The following DSTYK variants were observed in gnomAD, a reference collection of about 807,000 sequenced individuals.
The protein encoded by DSTYK is RIP-homologous kinase.
DSTYK carries 34 observed loss-of-function variants against 98.7 expected under a neutral mutation model. The observed-to-expected ratio is 0.34, with a 90% confidence interval of 0.26 to 0.46. The LOEUF is 0.46. DSTYK is among the 20% of genes least tolerant of loss of function. DSTYK has a pLI of 1.00. For missense variants in DSTYK, 962 were observed against 1,181.7 expected (o/e 0.81, Z 2.73); for synonymous variants, 462 against 457.3 (o/e 1.01, Z -0.13).
At chr1:205,154,732 T>G (rs1355403600) in intron 10 of DSTYK, among the ~76,000 whole-genome samples, 1 of 151,958 alleles carries the variant, frequency 6.6e-6, no homozygotes, top group Non-Finnish European at 1.5e-5. Context: ...GACAGGAAAA[T>G]GTGGGAAAGT....
chr1:205,203,445 G>A (rs1359815938), intron 1 of DSTYK, among the ~76,000 whole-genome samples: 2 of 142,390 alleles, frequency 1.4e-5, no homozygotes, highest in African/African-American at 2.6e-5. Context: ...TCCAGCCTGG[G>A]CAACAAGAGT....
intron 6 of DSTYK, 77 bp downstream of exon 6, chr1:205,161,959 C>T (rs998768172): frequency 2.6e-5 from 38 of 1,436,136 alleles, no homozygotes; most frequent in African/African-American, 2.4e-4. Context: ...ATATGAAGAG[C>T]GGAGAGCGAA....
intron 1 of DSTYK, among the ~76,000 whole-genome samples, chr1:205,206,272 G>GT (rs1161893442): frequency 1.1e-3 from 161 of 144,456 alleles, no homozygotes; most frequent in Admixed American, 4.6e-3. Flanking sequence ...GGTTTTTTTT[G>GT]GTTTTTTTTT....
At chr1:205,159,820 C>A in intron 8 of DSTYK, 141 bp from the exon 9 acceptor site, 1 of 1,052,436 alleles carries the variant, frequency 9.5e-7, no homozygotes, top group African/African-American at 1.6e-5. Context: ...ACAGAGCCCT[C>A]AGTACAGACA....
chr1:205,175,645 A>C (rs1658207150), intron 2 of DSTYK, among the ~76,000 whole-genome samples: 2 of 152,174 alleles, frequency 1.3e-5, no homozygotes, highest in Admixed American at 1.3e-4. Flanking sequence ...GGTTATAAAC[A>C]AAAAAGGACG....
At chr1:205,159,752 G>T in intron 8 of DSTYK, 73 bp from the exon 9 acceptor site, 1 of 1,586,636 alleles carries the variant, frequency 6.3e-7, no homozygotes, top group South Asian at 1.1e-5. Flanking sequence ...CAATGTATGA[G>T]ACAATAATTT....
intron 1 of DSTYK, among the ~76,000 whole-genome samples, chr1:205,203,341 T>C (rs575052459): frequency 6.9e-6 from 1 of 144,554 alleles, no homozygotes; most frequent in South Asian, 2.2e-4. Flanking sequence ...AATAGCCAGG[T>C]GTGGTTCGCG....
At chr1:205,153,906 GT>G (rs1003231278) in intron 10 of DSTYK, among the ~76,000 whole-genome samples, 2 of 150,588 alleles carry the variant, frequency 1.3e-5, no homozygotes, top group African/African-American at 4.9e-5. Flanking sequence ...TAGAGACAGG[GT>G]TTTACCATGT....
chr1:205,192,582 C>A (rs376261706), intron 1 of DSTYK, among the ~76,000 whole-genome samples: 1 of 152,040 alleles, frequency 6.6e-6, no homozygotes, highest in Non-Finnish European at 1.5e-5. Context: ...CCAAACCAGG[C>A]TGGGCGTAGT....
In DSTYK at chr1:205,160,115, T is replaced by A; in HGVS notation, c.2104A>T (p.Arg702Trp). The A allele has an allele frequency of 6.2e-7, 1 of 1,614,116 alleles. No individual in the cohort carries two copies. The change falls in exon 8 of 13, where the codon AGG becomes TGG. Residue 702 changes from arginine (R) to tryptophan (W), a missense_variant and splice_region_variant. Arg to Trp is a moderately radical substitution (Grantham distance 101). Around this residue, in one of 4 missense-constraint regions of DSTYK, gnomAD observed 660 missense variants for 855.0 expected, o/e 0.77. Coordinates refer to ENST00000367162, the MANE Select transcript of DSTYK (RefSeq NM_015375.3). Reference protein sequence around the residue: ...NDLALEFHYMRSLPKHERLVD... With the variant: ...NDLALEFHYMWSLPKHERLVD... ...GAGATGAATGAGGCCAGGACCCACC[T>A]CATATAGTGAAATTCCAAAGCCAGA...
intron 1 of DSTYK, among the ~76,000 whole-genome samples, chr1:205,200,908 AATT>A (rs1659013120): frequency 6.6e-6 from 1 of 151,418 alleles, no homozygotes; most frequent in Non-Finnish European, 1.5e-5. Context: ...ATAATAATTT[AATT>A]TTTTTTTTTT....
intron 4 of DSTYK, 81 bp from the exon 5 acceptor site, chr1:205,163,087 G>A: frequency 8.2e-7 from 1 of 1,221,886 alleles, no homozygotes; most frequent in Admixed American, 1.7e-5. Context: ...CTTATTTCAA[G>A]AACACAGTCC....
In DSTYK at chr1:205,157,365, G is replaced by T. The variant is rs377161801; in HGVS notation, c.2260C>A (p.Arg754Ser). 1.2e-6 allele frequency: 2 copies of T among 1,614,126 alleles called. No homozygotes were observed. The highest frequency in any genetic ancestry group is 8.5e-7 in the Non-Finnish European group (1 of 1,180,004). Residue 754 changes from arginine (R) to serine (S), a missense_variant, in exon 10 of 13, where the codon CGT (arginine) becomes AGT (serine). Physicochemically the swap from Arg to Ser is moderately radical, Grantham distance 110. Around this residue, in one of 4 missense-constraint regions of DSTYK, gnomAD observed 660 missense variants for 855.0 expected, o/e 0.77. Transcript: ENST00000367162. ...ACCACATCTAGTGCTATCTGCAAACGTGTCTCCAGGGTCAGCCCAGCCTTG... is the reference window on the plus strand; with the variant it reads ...ACCACATCTAGTGCTATCTGCAAACTTGTCTCCAGGGTCAGCCCAGCCTTG... ...GLKAGLTLET[R>S]LQIALDVVEG...
At chr1:205,152,920 T>C (rs1657446564) in intron 10 of DSTYK, among the ~76,000 whole-genome samples, 1 of 152,166 alleles carries the variant, frequency 6.6e-6, no homozygotes, top group Non-Finnish European at 1.5e-5. Context: ...CTTAGCACAG[T>C]GCTTAGCCTG....
chr1:205,166,528 C>A (rs1657896806), intron 3 of DSTYK, among the ~76,000 whole-genome samples: 1 of 151,890 alleles, frequency 6.6e-6, no homozygotes, highest in African/African-American at 2.4e-5. Context: ...TCTAAATCTT[C>A]TTATTGTTTC....
chr1:205,176,262 G>C (rs1658225179), intron 2 of DSTYK, among the ~76,000 whole-genome samples: 1 of 152,070 alleles, frequency 6.6e-6, no homozygotes, highest in South Asian at 2.1e-4. Context: ...CAGATCACCT[G>C]AGGTTGGGAG....
intron 10 of DSTYK, among the ~76,000 whole-genome samples, chr1:205,152,138 C>T (rs1657422096): frequency 6.6e-6 from 1 of 152,138 alleles, no homozygotes; most frequent in Admixed American, 6.6e-5. Context: ...TATGATGTCA[C>T]TAGACAATAG....
chr1:205,180,242 T>C (rs893242122), intron 2 of DSTYK, among the ~76,000 whole-genome samples: 2 of 152,178 alleles, frequency 1.3e-5, no homozygotes, highest in African/African-American at 4.8e-5. Flanking sequence ...TAGGTATTTG[T>C]CCTAATACTC....
chr1:205,211,691 A>G lies in DSTYK; in HGVS notation c.-156T>C, dbSNP rs913319522. 1.1e-4 allele frequency: 115 copies of G among 1,025,956 alleles called. No homozygotes were observed. Among genetic ancestry groups the G allele is most frequent in the Non-Finnish European group, 1.4e-4 (106 of 746,542 alleles). 63.6% of individuals were successfully genotyped at this position (1,025,956 alleles called of 1,614,324 possible). ...CCAACCTCCGTCACTGCCGTTGCAA[A>G]CAAACCAAACCGCAGTGCGCCGCTA... On this transcript the variant is annotated 5_prime_UTR_variant, in exon 1 of 13. Transcript: ENST00000367162.
Sources: allele counts gnomAD v4.1 joint callset (sites outside exome capture counted in the v4.1 genomes callset), GRCh38; gene constraint gnomAD v4.1.1; regional missense constraint gnomAD v4.1.1; transcripts MANE v1.5; gene names NCBI Gene and HGNC (gene_info 2026-07-23, HGNC 2026-07-21).